The following KIAA0513 variants were observed in gnomAD, a reference collection of about 807,000 sequenced individuals.
KIAA0513 encodes uncharacterized protein KIAA0513.
In KIAA0513, 39 loss-of-function variants were observed where a neutral mutation model predicts 56.5. The observed-to-expected ratio is 0.69, with a 90% CI of 0.53 to 0.90. The LOEUF is 0.90. KIAA0513 is among the 40% of genes least tolerant of loss of function. KIAA0513 has a pLI of 0.00. For synonymous variants in KIAA0513, 268 were observed against 215.6 expected (o/e 1.24, Z -2.13); for missense variants, 591 against 535.2 (o/e 1.10, Z -1.03).
chr16:85,045,984 G>C (rs995362608), intron 1 of KIAA0513, among the ~76,000 whole-genome samples: 3 of 152,142 alleles, frequency 2.0e-5, no homozygotes, highest in Non-Finnish European at 4.4e-5. Context: ...ACGACCACCC[G>C]AGGAAGGATC....
chr16:85,039,841 CT>C (rs371739572), intron 1 of KIAA0513, among the ~76,000 whole-genome samples: 106 of 143,296 alleles, frequency 7.4e-4, no homozygotes, highest in Non-Finnish European at 6.9e-4. Context: ...GTTTTCTTTT[CT>C]TTTTTTTTTT....
At chr16:85,085,140 A>G (rs750460166) in intron 10 of KIAA0513, among the ~76,000 whole-genome samples, 3 of 152,162 alleles carry the variant, frequency 2.0e-5, no homozygotes, top group Non-Finnish European at 2.9e-5. Flanking sequence ...GCGGGGGTTT[A>G]TGTGTCTGGA....
Position 85,082,527 on chromosome 16 carries a change from A to G in KIAA0513, c.981-37A>G, listed in dbSNP as rs1031971947. 2.5e-6 allele frequency: 4 copies of G among 1,611,652 alleles called. No individual in the cohort carries two copies. The African/African-American group carries it at 5.3e-5, about 22-fold the overall frequency. Reference sequence around the variant, plus strand: ...TCCACATATCTTGCATGACTTTGACATGTTCCTTTGTTTACCTGTTTCTGC... The same window carrying G: ...TCCACATATCTTGCATGACTTTGACGTGTTCCTTTGTTTACCTGTTTCTGC... On this transcript the variant is annotated intron_variant, in intron 9 of 12. Transcript: ENST00000683363.
At position 85,061,739 on chromosome 16, in the gene KIAA0513, T is replaced by C. The variant is rs893269344; in HGVS notation, c.-172-5161T>C. ...GTGTGAGCACAGCTCCATGGGGAAG[T>C]GGCAGAGCAGCCACACCGGGGCAAT... On this transcript the variant is annotated intron_variant, in intron 1 of 12. Transcript: ENST00000683363. Among the ~76,000 whole-genome samples the C allele has an allele frequency of 1.3e-4, 20 of 152,134 alleles. No homozygotes were observed. In the South Asian group the frequency reaches 1.5e-3, roughly 11 times the overall value.
At chr16:85,031,619 C>T (rs568075604) in intron 1 of KIAA0513, among the ~76,000 whole-genome samples, 1 of 152,320 alleles carries the variant, frequency 6.6e-6, no homozygotes, top group Non-Finnish European at 1.5e-5. Flanking sequence ...CTGCTGCTGT[C>T]ATTCACCACG....
At chr16:85,061,047 G>T (rs778983638) in intron 1 of KIAA0513, among the ~76,000 whole-genome samples, 1 of 151,812 alleles carries the variant, frequency 6.6e-6, no homozygotes, top group Non-Finnish European at 1.5e-5. Context: ...TAGCTACTTG[G>T]GAGGCCGAGG....
chr16:85,068,628 G>T (rs62049889), intron 2 of KIAA0513, among the ~76,000 whole-genome samples: 24,256 of 152,102 alleles, frequency 0.16, 2,355 homozygotes, highest in South Asian at 0.23. Context: ...CACCACGCCT[G>T]GCCAGTTTTT....
At chr16:85,029,453 T>A (rs1217424568) in intron 1 of KIAA0513, among the ~76,000 whole-genome samples, 1 of 152,244 alleles carries the variant, frequency 6.6e-6, no homozygotes, top group Non-Finnish European at 1.5e-5. Context: ...AATAATCTGC[T>A]GCCAAATCCC....
At chr16:85,047,020 G>T (rs978378404) in intron 1 of KIAA0513, among the ~76,000 whole-genome samples, 5 of 152,208 alleles carry the variant, frequency 3.3e-5, no homozygotes, top group Non-Finnish European at 4.4e-5. Context: ...TGAACATTCT[G>T]AATATTACGT....
intron 1 of KIAA0513, among the ~76,000 whole-genome samples, chr16:85,032,792 G>A (rs565029516): frequency 7.2e-4 from 109 of 152,138 alleles, no homozygotes; most frequent in African/African-American, 2.5e-3. Flanking sequence ...CACCACTCCC[G>A]GCTAATTTTT....
In KIAA0513 at chr16:85,090,825, G is replaced by T. The variant is rs1440022384; in HGVS notation, c.*2500G>T. ...GTGGCTGACAGTGGCTCTGGCCAGGGTTGCTTGGAGAAGGCTCAGTGTGCC... is the reference window on the plus strand; with the variant it reads ...GTGGCTGACAGTGGCTCTGGCCAGGTTTGCTTGGAGAAGGCTCAGTGTGCC... On this transcript the variant is annotated 3_prime_UTR_variant, in exon 13 of 13. Transcript: ENST00000683363. The T allele has an allele frequency of 6.5e-6, 1 of 152,690 alleles. No individual in the cohort carries two copies. Among genetic ancestry groups the T allele is most frequent in the Non-Finnish European group, 1.5e-5 (1 of 68,424 alleles). 9.5% of individuals were successfully genotyped at this position (152,690 alleles called of 1,614,324 possible). A position where few individuals can be genotyped will look rare whatever the true frequency, so the allele number is the denominator to read the frequency against.
At chr16:85,042,357 G>C (rs1022055511) in intron 1 of KIAA0513, among the ~76,000 whole-genome samples, 3 of 151,664 alleles carry the variant, frequency 2.0e-5, no homozygotes, top group Non-Finnish European at 4.4e-5. Context: ...GGTGTTGGTC[G>C]AGGGAGTATT....
intron 4 of KIAA0513, among the ~76,000 whole-genome samples, chr16:85,074,872 C>T (rs2073634167): frequency 6.6e-6 from 1 of 151,928 alleles, no homozygotes; most frequent in African/African-American, 2.4e-5. Context: ...TTCTTTCTTT[C>T]TTTTTTTTAA....
At chr16:85,083,374 G>A (rs2073771150) in intron 10 of KIAA0513, among the ~76,000 whole-genome samples, 1 of 152,188 alleles carries the variant, frequency 6.6e-6, no homozygotes, top group Non-Finnish European at 1.5e-5. Flanking sequence ...CTAATCAGTG[G>A]TATGTCTGTA....
intron 2 of KIAA0513, among the ~76,000 whole-genome samples, chr16:85,070,300 T>C (rs781058073): frequency 5.9e-5 from 9 of 152,220 alleles, no homozygotes; most frequent in Non-Finnish European, 1.0e-4. Context: ...TGGGTGCTTT[T>C]CATTTGATGG....
intron 1 of KIAA0513, among the ~76,000 whole-genome samples, chr16:85,056,359 T>C (rs551602172): frequency 1.3e-5 from 2 of 152,160 alleles, no homozygotes; most frequent in South Asian, 4.2e-4. Context: ...GGAAGTTAGG[T>C]TCAGGAGAAG....
chr16:85,071,764 T>TA lies in KIAA0513; in HGVS notation c.330-19_330-18insA. 1 of 1,446,850 alleles carries TA rather than the reference T, an allele frequency of 6.9e-7. No individual in the cohort carries two copies. The highest frequency in any genetic ancestry group is 9.3e-7 in the Non-Finnish European group (1 of 1,070,540). The allele number at this position is 1,446,850 out of a possible 1,614,324, so 89.6% of individuals were successfully genotyped here. A position where few individuals can be genotyped will look rare whatever the true frequency, so the allele number is the denominator to read the frequency against. On this transcript the variant is annotated intron_variant, in intron 2 of 12. Coordinates refer to ENST00000683363, the MANE Select transcript of KIAA0513 (RefSeq NM_001388359.1). ...AGGGTTTTTTTTTTTTTTCCTCTGC[T>TA]CTTTTTTTTTTTTTTTAGGGAGGAC...
intron 1 of KIAA0513, among the ~76,000 whole-genome samples, chr16:85,066,298 G>C (rs776457183): frequency 6.6e-6 from 1 of 152,208 alleles, no homozygotes; most frequent in Non-Finnish European, 1.5e-5. Context: ...CTGAGGAGCC[G>C]AGGGGTGTGT....
chr16:85,082,470 A>G (rs2073757210), intron 9 of KIAA0513, 94 bp from the exon 10 acceptor site: 2 of 1,238,310 alleles, frequency 1.6e-6, no homozygotes, highest in South Asian at 2.5e-5. Flanking sequence ...TCTGCCTGTA[A>G]TAACCCTCCT....
Sources: allele counts gnomAD v4.1 joint callset (sites outside exome capture counted in the v4.1 genomes callset), GRCh38; gene constraint gnomAD v4.1.1; transcripts MANE v1.5; gene names NCBI Gene and HGNC (gene_info 2026-07-23, HGNC 2026-07-21).